The following RBBP6 variants were observed in gnomAD, a reference collection of about 807,000 sequenced individuals.
RBBP6 encodes the protein E3 ubiquitin-protein ligase RBBP6.
In RBBP6, 25 loss-of-function variants were observed where a neutral mutation model predicts 167.7. That is an observed-to-expected ratio of 0.15 (90% CI 0.11 to 0.21). The LOEUF is 0.21. Among genes scored for constraint, RBBP6 ranks in the 10% least tolerant of loss-of-function variants. The pLI is 1.00. For missense variants in RBBP6, 1,868 were observed against 2,134.2 expected, an observed-to-expected ratio of 0.88 and a Z score of 2.46; for synonymous variants, 789 against 735.8, an observed-to-expected ratio of 1.07 and a Z score of -1.17.
chr16:24,558,821 A>G (rs540210672), intron 7 of RBBP6, among the ~76,000 whole-genome samples: 72 of 152,348 alleles, frequency 4.7e-4, no homozygotes, highest in African/African-American at 1.6e-3. Context: ...TGTAACACCG[A>G]TTTTGATCAT....
chr16:24,572,205 C>G lies in RBBP6; in HGVS notation c.5139C>G (p.Ser1713Arg), dbSNP rs200843809. 21 of 1,613,804 alleles carry G rather than the reference C, an allele frequency of 1.3e-5. No individual in the cohort carries two copies. Among genetic ancestry groups the G allele is most frequent in the Non-Finnish European group, 1.6e-5 (19 of 1,180,008 alleles). The change falls in exon 18 of 18, where the codon AGC becomes AGG. Residue 1713 changes from serine (S) to arginine (R), a missense_variant. Physicochemically the swap from Ser to Arg is moderately radical, Grantham distance 110 (BLOSUM62 -1). Coordinates refer to ENST00000319715, the MANE Select transcript of RBBP6 (RefSeq NM_006910.5). ...SHSPSGSQTRSHSSSASSAES... is the reference protein window; with the variant it reads ...SHSPSGSQTRRHSSSASSAES... ...GTCCTTCTGGAAGCCAGACCCGAAGCCACAGTAGCAGTGCCAGCTCAGCAG... is the reference window on the plus strand; with the variant it reads ...GTCCTTCTGGAAGCCAGACCCGAAGGCACAGTAGCAGTGCCAGCTCAGCAG...
chr16:24,557,965 A>G (rs1052142067), intron 7 of RBBP6, among the ~76,000 whole-genome samples: 16 of 152,040 alleles, frequency 1.1e-4, no homozygotes, highest in Non-Finnish European at 1.8e-4. Flanking sequence ...ACCCCCATCT[A>G]TTTTTTATCA....
chr16:24,567,715 T>G, intron 15 of RBBP6, 77 bp from the exon 16 acceptor site: 1 of 1,348,166 alleles, frequency 7.4e-7, no homozygotes, highest in Non-Finnish European at 1.0e-6. Flanking sequence ...ATTTCATTCA[T>G]GATCTAATTA....
At chr16:24,557,370 G>A (rs1438867664) in intron 7 of RBBP6, among the ~76,000 whole-genome samples, 1 of 152,050 alleles carries the variant, frequency 6.6e-6, no homozygotes, top group Admixed American at 6.6e-5. Flanking sequence ...CAGTGGCAGG[G>A]TTCAACTAGA....
chr16:24,551,699 T>C (rs1003433029), intron 3 of RBBP6, among the ~76,000 whole-genome samples: 1 of 151,736 alleles, frequency 6.6e-6, no homozygotes, highest in Non-Finnish European at 1.5e-5. Context: ...TTCTTAAGTT[T>C]TTTAGTTCCA....
chr16:24,559,661 C>T lies in RBBP6; in HGVS notation c.831C>T (p.Asn277=), dbSNP rs770534799. Residue 277 remains asparagine (N), a synonymous_variant, in exon 8 of 18, where the codon AAC becomes AAT. Coordinates refer to ENST00000319715, the MANE Select transcript of RBBP6 (RefSeq NM_006910.5). The part of the protein sequence containing the change: ...TDAVVIPCCG[N]SYCDECIRTA... Reference sequence around the variant, plus strand: ...CTGTTGTGATTCCCTGCTGTGGAAACAGTTACTGTGATGAATGTAAGAAGT... The same window carrying T: ...CTGTTGTGATTCCCTGCTGTGGAAATAGTTACTGTGATGAATGTAAGAAGT... 1 of 1,556,778 alleles carries T rather than the reference C, an allele frequency of 6.4e-7. No homozygotes were observed. The highest frequency in any genetic ancestry group is 8.7e-7 in the Non-Finnish European group (1 of 1,149,086).
chr16:24,563,126 G>A (rs1290332204), intron 10 of RBBP6, 73 bp from the exon 11 acceptor site: 11 of 1,216,134 alleles, frequency 9.0e-6, no homozygotes, highest in Non-Finnish European at 1.2e-5. Context: ...TGGGTAAACA[G>A]CAGCAAACTT....
In RBBP6 at chr16:24,569,369, C is replaced by G; in HGVS notation, c.2679C>G (p.Asn893Lys). The change falls in exon 17 of 18, where the codon AAC becomes AAG. Residue 893 changes from asparagine (N) to lysine (K), a missense_variant. Transcript: ENST00000319715. ...GTGGGCAAAGTCATAGAAGTCGAAACATAGGTAGCAACTATCCAGAAAAGC... is the reference window on the plus strand; with the variant it reads ...GTGGGCAAAGTCATAGAAGTCGAAAGATAGGTAGCAACTATCCAGAAAAGC... The part of the protein sequence containing the change: ...YVGGQSHRSR[N>K]IGSNYPEKLS... The G allele has an allele frequency of 6.2e-7, 1 of 1,614,064 alleles. No individual in the cohort carries two copies. Among genetic ancestry groups the G allele is most frequent in the Non-Finnish European group, 8.5e-7 (1 of 1,180,022 alleles).
intron 2 of RBBP6, among the ~76,000 whole-genome samples, chr16:24,546,871 A>G (rs13332826): frequency 0.15 from 22,117 of 152,116 alleles, 1,811 homozygotes; most frequent in East Asian, 0.25. Context: ...AGAGGGTTGT[A>G]AGAATTAAAT....
intron 7 of RBBP6, among the ~76,000 whole-genome samples, chr16:24,559,223 T>G (rs185731711): frequency 6.6e-6 from 1 of 152,348 alleles, no homozygotes; most frequent in East Asian, 1.9e-4. Flanking sequence ...ACATTTCGCT[T>G]TATTTCTGGC....
intron 1 of RBBP6, among the ~76,000 whole-genome samples, chr16:24,545,871 T>G (rs1480580372): frequency 1.3e-5 from 2 of 152,244 alleles, no homozygotes; most frequent in East Asian, 3.8e-4. Context: ...CATTCACATG[T>G]TCAGCATTTC....
chr16:24,568,285 G>A (rs999753829), intron 16 of RBBP6, among the ~76,000 whole-genome samples: 2 of 152,106 alleles, frequency 1.3e-5, no homozygotes, highest in Admixed American at 6.5e-5. Flanking sequence ...AATACAGATC[G>A]CTTTATTGAT....
intron 7 of RBBP6, 144 bp from the exon 8 acceptor site, chr16:24,559,361 C>A: frequency 1.8e-6 from 1 of 543,274 alleles, no homozygotes. Context: ...CATAATTACT[C>A]CCTTATTTTA....
chr16:24,569,908 AATC>A lies in RBBP6; in HGVS notation c.3225_3227del (p.Ser1078del), dbSNP rs780685322. On this transcript the variant is annotated inframe_deletion, in exon 17 of 18. Coordinates refer to ENST00000319715, the MANE Select transcript of RBBP6 (RefSeq NM_006910.5). ...GAGACTCCGAAGACTGACAATACTA[AATC>A]ATCATCTTCCTCTCAGAAGGATGAA... is the stretch of plus-strand genomic sequence containing the variant. 16 of 1,610,452 alleles carry A rather than the reference AATC, an allele frequency of 9.9e-6. No homozygotes were observed. The African/African-American group carries it at 1.3e-4, about 13-fold the overall frequency.
chr16:24,568,996 G>A lies in RBBP6; in HGVS notation c.2306G>A (p.Arg769Gln), dbSNP rs761995383. Reference protein sequence around the residue: ...RSPPYRRYHSRSRSPQAFRGQ... With the variant: ...RSPPYRRYHSQSRSPQAFRGQ... ...CCCCCTTACAGACGCTATCATTCAC[G>A]ATCAAGATCTCCTCAAGCGTTTAGG... The change falls in exon 17 of 18, where the codon CGA becomes CAA. Residue 769 changes from arginine to glutamine, a missense_variant. Physicochemically the swap from Arg to Gln is conservative, Grantham distance 43. This residue lies in a region of RBBP6 where 673 missense variants were observed against 691.5 expected (regional missense o/e 0.97). Coordinates refer to ENST00000319715, the MANE Select transcript of RBBP6 (RefSeq NM_006910.5). The A allele has an allele frequency of 9.3e-6, 15 of 1,613,942 alleles. No homozygotes were observed. The highest frequency in any genetic ancestry group is 2.2e-5 in the South Asian group (2 of 91,076).
In RBBP6 at chr16:24,567,778, CTTTA is replaced by C; in HGVS notation, c.1953-10_1953-7del. 6.3e-7 allele frequency: 1 copy of C among 1,586,072 alleles called. No individual in the cohort carries two copies. The highest frequency in any genetic ancestry group is 2.2e-5 in the East Asian group (1 of 44,676). On this transcript the variant is annotated splice_polypyrimidine_tract_variant and intron_variant, in intron 15 of 17. Coordinates refer to ENST00000319715, the MANE Select transcript of RBBP6 (RefSeq NM_006910.5). ...GTTTTTGTTAACTTTCACTCTTTAA[CTTTA>C]TTTTACTAGGGAAAAGAAAAAGTCC...
intron 3 of RBBP6, among the ~76,000 whole-genome samples, chr16:24,552,050 A>G (rs1281069836): frequency 6.6e-6 from 1 of 151,862 alleles, no homozygotes; most frequent in Non-Finnish European, 1.5e-5. Context: ...CCATTGGCAA[A>G]TTATGTAGAT....
intron 2 of RBBP6, among the ~76,000 whole-genome samples, chr16:24,547,043 A>G (rs543508323): frequency 6.6e-6 from 1 of 152,344 alleles, no homozygotes; most frequent in Non-Finnish European, 1.5e-5. Flanking sequence ...GAACTATAAT[A>G]TGTGAAAAGG....
At position 24,555,752 on chromosome 16, in the gene RBBP6, T is replaced by C. The variant is rs541836207; in HGVS notation, c.437+49T>C. 170 of 1,581,928 alleles carry C rather than the reference T, an allele frequency of 1.1e-4. 1 individual carries two copies. In the East Asian group the frequency reaches 3.0e-3, roughly 27 times the overall value. Reference sequence around the variant, plus strand: ...TAATAGGAACTTTTGGGGTGGGTTTTCCCCCCCAATCAAAAGCACTATTTT... The same window carrying C: ...TAATAGGAACTTTTGGGGTGGGTTTCCCCCCCCAATCAAAAGCACTATTTT... On this transcript the variant is annotated intron_variant, in intron 5 of 17. Coordinates refer to ENST00000319715, the MANE Select transcript of RBBP6 (RefSeq NM_006910.5).
Sources: allele counts gnomAD v4.1 joint callset (sites outside exome capture counted in the v4.1 genomes callset), GRCh38; gene constraint gnomAD v4.1.1; regional missense constraint gnomAD v4.1.1; transcripts MANE v1.5; gene names NCBI Gene and HGNC (gene_info 2026-07-23, HGNC 2026-07-21).